ETV1: variants seen among roughly 807,000 people sequenced by gnomAD.
ETV1 encodes ETS translocation variant 1.
In ETV1, 27 loss-of-function variants were observed where a neutral mutation model predicts 62.3. That is an observed-to-expected ratio of 0.43 (90% confidence interval 0.32 to 0.60). The LOEUF is 0.60. Ranked by LOEUF, ETV1 falls within the 20% of genes least tolerant of loss-of-function variation. ETV1 has a pLI of 0.06. For missense variants in ETV1, 605 were observed against 605.8 expected (o/e 1.00, Z 0.01); for synonymous variants, 222 against 199.6 (o/e 1.11, Z -0.94).
chr7:13,981,780 A>G (rs1782017499), intron 5 of ETV1, among the ~76,000 whole-genome samples: 1 of 152,036 alleles, frequency 6.6e-6, no homozygotes, highest in African/African-American at 2.4e-5. Context: ...TTTCTCTTTG[A>G]ATCAAAGAGT....
At chr7:13,928,418 C>T (rs1423881193) in intron 9 of ETV1, among the ~76,000 whole-genome samples, 1 of 151,326 alleles carries the variant, frequency 6.6e-6, no homozygotes, top group Non-Finnish European at 1.5e-5. Context: ...AGATTGAGAC[C>T]AGCCTGACCA....
Position 13,989,087 on chromosome 7 carries a change from T to A in ETV1, c.-35A>T. 1 of 1,568,906 alleles carries A rather than the reference T, an allele frequency of 6.4e-7. No homozygotes were observed. The highest frequency in any genetic ancestry group is 8.7e-7 in the Non-Finnish European group (1 of 1,151,198). ...CTTCGCAAATCTCAGCTCAGTATTT[T>A]ATATTTTGAGCATTTAGCTGGAGAT... On this transcript the variant is annotated 5_prime_UTR_variant, in exon 3 of 14. It removes the in-frame stop codon of an upstream open reading frame in the 5' UTR. Coordinates refer to ENST00000430479, the MANE Select transcript of ETV1 (RefSeq NM_004956.5).
At chr7:13,897,584 G>A (rs138469485) in intron 13 of ETV1, among the ~76,000 whole-genome samples, 12 of 152,206 alleles carry the variant, frequency 7.9e-5, no homozygotes, top group East Asian at 3.9e-4. Context: ...CAGGAATGGC[G>A]CCTCAGAAAG....
chr7:13,936,452 G>C (rs1469266368), intron 7 of ETV1, among the ~76,000 whole-genome samples: 1 of 151,978 alleles, frequency 6.6e-6, no homozygotes, highest in Non-Finnish European at 1.5e-5. Context: ...TCCCCACATG[G>C]GATAATGAAG....
chr7:13,905,743 T>C (rs1159269280), intron 12 of ETV1, among the ~76,000 whole-genome samples: 1 of 152,156 alleles, frequency 6.6e-6, no homozygotes, highest in Non-Finnish European at 1.5e-5. Context: ...ATTTTAGTAA[T>C]TTTTTATGTG....
In ETV1 at chr7:13,986,617, T is replaced by C. The variant is rs751322960; in HGVS notation, c.181+21A>G. ...CCTTCTAGAGTTGCTTTCCCCCCTT[T>C]TAAAGCAAATTTTGCCTTACCTTCT... On this transcript the variant is annotated intron_variant, in intron 5 of 13. Transcript: ENST00000430479. The C allele has an allele frequency of 4.3e-6, 7 of 1,611,034 alleles. No individual in the cohort carries two copies. The South Asian group carries it at 4.4e-5, about 10-fold the overall frequency.
chr7:13,985,537 G>T (rs911900449), intron 5 of ETV1: 2 of 152,056 alleles, frequency 1.3e-5, no homozygotes, highest in South Asian at 2.1e-4. Flanking sequence ...GATAAAACAC[G>T]TCAGTCTGCC....
chr7:13,940,589 G>C (rs1787388681), intron 6 of ETV1, among the ~76,000 whole-genome samples: 1 of 151,954 alleles, frequency 6.6e-6, no homozygotes, highest in East Asian at 1.9e-4. Context: ...ACATAACAGA[G>C]ACACACGTTC....
Position 13,935,747 on chromosome 7 carries a change from G to A in ETV1, c.515C>T (p.Ser172Leu), listed in dbSNP as rs761565850. Residue 172 changes from serine to leucine, a missense_variant, in exon 8 of 14, where the codon TCG (serine) becomes TTG (leucine). Around this residue, in one of 3 missense-constraint regions of ETV1, gnomAD observed 426 missense variants for 377.8 expected, o/e 1.13. Coordinates refer to ENST00000430479, the MANE Select transcript of ETV1 (RefSeq NM_004956.5). ...GTAGCTGCTATCTGGTATGGACTGC[G>A]ATGGAGGGAGGTGAGCTGGGAAGGC... ...DRAFPAHLPP[S>L]QSIPDSSYPM... 6.2e-6 allele frequency: 10 copies of A among 1,613,854 alleles called. No individual in the cohort carries two copies. Among genetic ancestry groups the A allele is most frequent in the Admixed American group, 1.7e-5 (1 of 60,012 alleles).
intron 11 of ETV1, chr7:13,907,711 A>G (rs1783115606): frequency 5.6e-6 from 2 of 358,724 alleles, no homozygotes; most frequent in South Asian, 4.7e-5. Flanking sequence ...GAAACAATCC[A>G]GACAAAATAT....
At chr7:13,934,681 T>C (rs1786585030) in intron 8 of ETV1, among the ~76,000 whole-genome samples, 2 of 152,232 alleles carry the variant, frequency 1.3e-5, no homozygotes, top group African/African-American at 4.8e-5. Flanking sequence ...ATTATCTTAC[T>C]ACATTTCATT....
chr7:13,934,192 T>C (rs1207822546), intron 8 of ETV1, among the ~76,000 whole-genome samples: 1 of 152,140 alleles, frequency 6.6e-6, no homozygotes, highest in Non-Finnish European at 1.5e-5. Context: ...GCACATACCA[T>C]TGCACTCTGA....
intron 9 of ETV1, among the ~76,000 whole-genome samples, chr7:13,921,777 G>T (rs1040359247): frequency 6.6e-6 from 1 of 152,166 alleles, no homozygotes; most frequent in African/African-American, 2.4e-5. Flanking sequence ...ACATAGGCAG[G>T]TGGGAGATGA....
At chr7:13,962,202 C>CGT (rs200758538) in intron 6 of ETV1, among the ~76,000 whole-genome samples, 4,244 of 148,884 alleles carry the variant, frequency 0.029, 221 homozygotes, top group African/African-American at 0.1. Context: ...CACACACACA[C>CGT]GTGTGTGTGT....
chr7:13,954,723 A>G (rs1255451959), intron 6 of ETV1, among the ~76,000 whole-genome samples: 1 of 152,180 alleles, frequency 6.6e-6, no homozygotes, highest in African/African-American at 2.4e-5. Flanking sequence ...ACAACCCTCA[A>G]TGCTTGAAGT....
intron 9 of ETV1, among the ~76,000 whole-genome samples, chr7:13,929,416 A>G (rs1307025147): frequency 6.6e-6 from 1 of 152,168 alleles, no homozygotes; most frequent in Non-Finnish European, 1.5e-5. Context: ...TACCATAACA[A>G]CCTCTCAGCC....
At chr7:13,968,302 T>G (rs904439713) in intron 6 of ETV1, among the ~76,000 whole-genome samples, 1 of 151,976 alleles carries the variant, frequency 6.6e-6, no homozygotes, top group African/African-American at 2.4e-5. Context: ...TGGGTTAATA[T>G]ATATATTTTT....
intron 9 of ETV1, 45 bp from the exon 10 acceptor site, chr7:13,911,352 A>G: frequency 7.2e-7 from 1 of 1,385,166 alleles, no homozygotes; most frequent in East Asian, 2.3e-5. Flanking sequence ...TGGAGCTGAA[A>G]CGCTGCGGTT....
chr7:13,987,435 T>A (rs1745732746), intron 4 of ETV1, among the ~76,000 whole-genome samples: 1 of 152,152 alleles, frequency 6.6e-6, no homozygotes, highest in Non-Finnish European at 1.5e-5. Flanking sequence ...ATTATGAATG[T>A]CCTCATATGG....
Sources: allele counts gnomAD v4.1 joint callset (sites outside exome capture counted in the v4.1 genomes callset), GRCh38; gene constraint gnomAD v4.1.1; regional missense constraint gnomAD v4.1.1; transcripts MANE v1.5; gene names NCBI Gene and HGNC (gene_info 2026-07-23, HGNC 2026-07-21).